The following RAB10 variants were observed in gnomAD, a reference collection of about 807,000 sequenced individuals.
RAB10 encodes the protein RAB10, member RAS oncogene family, also known as ras-related protein Rab-10.
In RAB10, 5 loss-of-function variants were observed where a neutral mutation model predicts 25.7. The ratio of observed to expected loss-of-function variants is 0.19; its 90% CI spans 0.10 to 0.41. The LOEUF is 0.41. RAB10 is among the 10% of genes least tolerant of loss of function. The pLI, the probability that RAB10 is intolerant of heterozygous loss-of-function variation, is 1.00. For synonymous variants in RAB10, 89 were observed against 86.4 expected (o/e 1.03, Z -0.16); for missense variants, 103 against 245.8 (o/e 0.42, Z 3.89).
At chr2:26,062,556 T>G (rs958843539) in intron 1 of RAB10, among the ~76,000 whole-genome samples, 1 of 152,026 alleles carries the variant, frequency 6.6e-6, no homozygotes, top group African/African-American at 2.4e-5. Flanking sequence ...CGCATACCTG[T>G]AATCTCAGCT....
chr2:26,135,157 T>C lies in RAB10; in HGVS notation c.*136T>C. The C allele has an allele frequency of 1.6e-6, 1 of 618,334 alleles. No individual in the cohort carries two copies. Among genetic ancestry groups the C allele is most frequent in the Non-Finnish European group, 2.6e-6 (1 of 382,316 alleles). 38.3% of individuals were successfully genotyped at this position (618,334 alleles called of 1,614,324 possible). On this transcript the variant is annotated 3_prime_UTR_variant, in exon 6 of 6. Coordinates refer to ENST00000264710, the MANE Select transcript of RAB10 (RefSeq NM_016131.5). ...TTAACTATCCAAGCCACCTATTTTA[T>C]TTGTTCTTTCATCTGTGACTGCTTG...
intron 1 of RAB10, among the ~76,000 whole-genome samples, chr2:26,040,956 A>G (rs1185417385): frequency 6.6e-6 from 1 of 152,062 alleles, no homozygotes; most frequent in Non-Finnish European, 1.5e-5. Flanking sequence ...AAAACAAATT[A>G]CTGGTATGGT....
rs1668128818 is a variant in RAB10, at chr2:26,137,189, A to G, written c.*2168A>G. On this transcript the variant is annotated 3_prime_UTR_variant, in exon 6 of 6. Coordinates refer to ENST00000264710, the MANE Select transcript of RAB10 (RefSeq NM_016131.5). ...GTTAAATCTGCACTTTCTAAATATCAAAAAAGGGAAATGAAGTATAAATCA... is the reference window on the plus strand; with the variant it reads ...GTTAAATCTGCACTTTCTAAATATCGAAAAAGGGAAATGAAGTATAAATCA... 4 of 152,802 alleles carry G rather than the reference A, an allele frequency of 2.6e-5. No individual in the cohort carries two copies. The South Asian group carries it at 8.3e-4, about 32-fold the overall frequency. 9.5% of individuals were successfully genotyped at this position (152,802 alleles called of 1,614,324 possible).
At chr2:26,058,432 C>CT (rs201757764) in intron 1 of RAB10, among the ~76,000 whole-genome samples, 2,290 of 151,238 alleles carry the variant, frequency 0.015, 41 homozygotes, top group African/African-American at 0.04. Flanking sequence ...TTTTTCTTTT[C>CT]TTTTTTTTTA....
At chr2:26,058,814 T>A (rs1442973700) in intron 1 of RAB10, among the ~76,000 whole-genome samples, 1 of 152,224 alleles carries the variant, frequency 6.6e-6, no homozygotes, top group Non-Finnish European at 1.5e-5. Context: ...CTTTCTATCC[T>A]ATAATAAAAT....
intron 1 of RAB10, among the ~76,000 whole-genome samples, chr2:26,045,224 G>C (rs994130668): frequency 1.2e-4 from 17 of 139,164 alleles, no homozygotes; most frequent in African/African-American, 4.5e-4. Context: ...AGAAATACTG[G>C]CAATCTCTTT....
chr2:26,102,431 TTTTC>T (rs1222469014), intron 2 of RAB10, among the ~76,000 whole-genome samples: 2 of 150,274 alleles, frequency 1.3e-5, no homozygotes, highest in Non-Finnish European at 2.9e-5. Context: ...TTTTTTTCTT[TTTTC>T]TTTCTTTTTT....
At chr2:26,088,175 AT>A (rs1667026550) in intron 1 of RAB10, among the ~76,000 whole-genome samples, 1 of 152,190 alleles carries the variant, frequency 6.6e-6, no homozygotes, top group Non-Finnish European at 1.5e-5. Flanking sequence ...ATTACTGTGT[AT>A]TGATAAGTCA....
intron 3 of RAB10, among the ~76,000 whole-genome samples, chr2:26,117,553 T>C (rs1667715495): frequency 6.8e-6 from 1 of 147,640 alleles, no homozygotes; most frequent in Non-Finnish European, 1.5e-5. Flanking sequence ...AGGCGGAGCT[T>C]GCAGTGAGCC....
chr2:26,122,919 A>G (rs1302937724), intron 3 of RAB10, among the ~76,000 whole-genome samples: 2 of 152,140 alleles, frequency 1.3e-5, no homozygotes, highest in African/African-American at 4.8e-5. Context: ...GGCAGGCCAC[A>G]AAGGACATGA....
rs373761839 is a variant in RAB10, at chr2:26,034,508, C to G, written c.-101C>G. ...CTCGAGCCTTTTTCCCACGCTTCCC[C>G]GGTCCTCCGGCCTGAGAACGCCCGA... is the stretch of plus-strand genomic sequence containing the variant. On this transcript the variant is annotated 5_prime_UTR_variant, in exon 1 of 6. Transcript: ENST00000264710. 1 of 1,505,740 alleles carries G rather than the reference C, an allele frequency of 6.6e-7. No homozygotes were observed. 93.3% of individuals were successfully genotyped at this position (1,505,740 alleles called of 1,614,324 possible).
Position 26,134,915 on chromosome 2 carries a change from T to C in RAB10, c.520-23T>C, listed in dbSNP as rs763814356. ...CATGGCAGTGTTTTTTCATGAGTTA[T>C]TTTCCTTGTGTGTTTGTTGCAGACC... On this transcript the variant is annotated intron_variant, in intron 5 of 5. Transcript: ENST00000264710. 4 of 1,580,612 alleles carry C rather than the reference T, an allele frequency of 2.5e-6. No homozygotes were observed. In the Admixed American group the frequency reaches 5.1e-5, roughly 20 times the overall value.
intron 1 of RAB10, among the ~76,000 whole-genome samples, chr2:26,072,476 G>A (rs1036945219): frequency 6.6e-6 from 1 of 151,780 alleles, no homozygotes; most frequent in African/African-American, 2.4e-5. Flanking sequence ...ACCATTGACA[G>A]GGTTTCAGAT....
At chr2:26,036,203 T>C (rs1301084968) in intron 1 of RAB10, among the ~76,000 whole-genome samples, 1 of 152,154 alleles carries the variant, frequency 6.6e-6, no homozygotes, top group East Asian at 1.9e-4. Flanking sequence ...GGCACTGTTT[T>C]TAGGCACTGG....
At chr2:26,050,134 T>A (rs1666101339) in intron 1 of RAB10, among the ~76,000 whole-genome samples, 1 of 152,238 alleles carries the variant, frequency 6.6e-6, no homozygotes, top group Admixed American at 6.5e-5. Context: ...TTTGAGCATA[T>A]CATCCTATCG....
chr2:26,051,617 G>A (rs1666135389), intron 1 of RAB10, among the ~76,000 whole-genome samples: 1 of 151,562 alleles, frequency 6.6e-6, no homozygotes, highest in African/African-American at 2.4e-5. Flanking sequence ...AGCCGGACGT[G>A]GTGGTGAGTG....
At chr2:26,088,296 A>G (rs1361415951) in intron 1 of RAB10, among the ~76,000 whole-genome samples, 1 of 152,172 alleles carries the variant, frequency 6.6e-6, no homozygotes, top group Non-Finnish European at 1.5e-5. Context: ...GGTGGCTGAT[A>G]CTGTTTTTCT....
At chr2:26,034,880 A>T (rs1230211828) in intron 1 of RAB10, 145 bp downstream of exon 1, 2 of 1,277,596 alleles carry the variant, frequency 1.6e-6, no homozygotes, top group South Asian at 1.4e-5. Context: ...TTGAATCGGC[A>T]TCGAGCTTAC....
intron 2 of RAB10, among the ~76,000 whole-genome samples, chr2:26,104,235 C>CTAACGTATATTGTCG (rs1667419176): frequency 6.6e-6 from 1 of 152,178 alleles, no homozygotes; most frequent in South Asian, 2.1e-4. Context: ...TACATCCTCA[C>CTAACGTATATTGTCG]TAACGTATAT....
Sources: allele counts gnomAD v4.1 joint callset (sites outside exome capture counted in the v4.1 genomes callset), GRCh38; gene constraint gnomAD v4.1.1; transcripts MANE v1.5; gene names NCBI Gene and HGNC (gene_info 2026-07-23, HGNC 2026-07-21).